The following IAH1 variants were observed in gnomAD, a reference collection of about 807,000 sequenced individuals.
IAH1 encodes the protein isoamyl acetate hydrolyzing esterase 1 (putative), also known as isoamyl acetate-hydrolyzing esterase 1 homolog.
IAH1 carries 24 observed loss-of-function variants against 26.7 expected under a neutral mutation model. The ratio of observed to expected loss-of-function variants is 0.90; its 90% CI spans 0.65 to 1.26. The LOEUF is 1.26. IAH1 is among the 50% of genes most tolerant of loss of function. The pLI, the probability that IAH1 is intolerant of heterozygous loss-of-function variation, is 0.00. For missense variants in IAH1, 300 were observed against 299.9 expected, an observed-to-expected ratio of 1.00 and a Z score of 0.00; for synonymous variants, 140 against 118.5, an observed-to-expected ratio of 1.18 and a Z score of -1.18.
intron 3 of IAH1, among the ~76,000 whole-genome samples, chr2:9,480,060 C>T (rs1442778254): frequency 2.6e-5 from 4 of 151,886 alleles, no homozygotes; most frequent in Non-Finnish European, 5.9e-5. Context: ...CCACCTGCCT[C>T]GGCCTCCCAA....
intron 4 of IAH1, among the ~76,000 whole-genome samples, chr2:9,481,739 G>A (rs1365852215): frequency 6.6e-6 from 1 of 152,112 alleles, no homozygotes; most frequent in Non-Finnish European, 1.5e-5. Context: ...GAAGGCCACT[G>A]AGATCTGTGT....
At chr2:9,490,175 A>T, downstream of IAH1, 1 of 1,589,870 alleles carries the variant, frequency 6.3e-7, no homozygotes, top group Non-Finnish European at 8.6e-7. Flanking sequence ...CTGAGAACTA[A>T]ATTAGCACTC....
downstream of IAH1, chr2:9,494,664 G>C: frequency 1.2e-6 from 2 of 1,614,078 alleles, no homozygotes; most frequent in Non-Finnish European, 1.7e-6. Flanking sequence ...CTACTGTACA[G>C]GGCTTTCCTT....
At chr2:9,493,881 C>T, downstream of IAH1, 3 of 1,440,964 alleles carry the variant, frequency 2.1e-6, no homozygotes, top group Admixed American at 1.8e-5. Flanking sequence ...TATTCAGAAG[C>T]AATGTAGCTT....
chr2:9,474,612 C>A lies in IAH1; in HGVS notation c.46C>A (p.Pro16Thr). ...GGGCTGCGGGAGTGCCCTGCTCTGG[C>A]CTCGCTTGTTGCTCTTCGGGGACTC... ...AAGCGSALLW[P>T]RLLLFGDSIT... The change falls in exon 1 of 6, where the codon CCT becomes ACT. Residue 16 changes from proline (P) to threonine (T), a missense_variant. Pro to Thr is a conservative substitution (Grantham distance 38). Coordinates refer to ENST00000497473, the MANE Select transcript of IAH1 (RefSeq NM_001039613.3). This position sits in a 1 kb window ranked among gnomAD's most constrained non-coding sequence, Gnocchi z 4.3. The A allele has an allele frequency of 6.4e-7, 1 of 1,554,598 alleles. No homozygotes were observed.
intron 4 of IAH1, among the ~76,000 whole-genome samples, chr2:9,482,045 T>TTTC (rs1358594311): frequency 6.6e-6 from 1 of 151,204 alleles, no homozygotes; most frequent in Non-Finnish European, 1.5e-5. Context: ...TTTTTTTTTT[T>TTTC]TTTGGAGATA....
the IAH1 span, chr2:9,505,422 T>G: frequency 6.6e-7 from 1 of 1,519,244 alleles, no homozygotes; most frequent in Non-Finnish European, 9.1e-7. Context: ...TGTATTCCCA[T>G]GCAATGTTTG....
At chr2:9,506,713 CG>C in the IAH1 span, 1 of 152,190 alleles carries the variant, frequency 6.6e-6, no homozygotes, top group African/African-American at 2.4e-5. Flanking sequence ...TTATTCTAAT[CG>C]GGGCCTCAGG....
chr2:9,474,732 T>C lies in IAH1; in HGVS notation c.81+85T>C. 9.3e-7 allele frequency: 1 copy of C among 1,070,358 alleles called. No individual in the cohort carries two copies. Among genetic ancestry groups the C allele is most frequent in the Non-Finnish European group, 1.3e-6 (1 of 770,686 alleles). The allele number at this position is 1,070,358 out of a possible 1,614,324, so 66.3% of individuals were successfully genotyped here. ...CAGGCCGAGGCTCCTCGCCGTCCTC[T>C]TCGGCGCCCGAGACGGCTGGGCCGG... On this transcript the variant is annotated intron_variant, in intron 1 of 5. Coordinates refer to ENST00000497473, the MANE Select transcript of IAH1 (RefSeq NM_001039613.3). The surrounding 1 kb of genome is among the most constrained non-coding windows in gnomAD (Gnocchi z 4.3).
chr2:9,509,346 A>C, the IAH1 span, among the ~76,000 whole-genome samples: 1 of 152,194 alleles, frequency 6.6e-6, no homozygotes, highest in Non-Finnish European at 1.5e-5. Context: ...TAGTCACGGC[A>C]CTCTTAAAGT....
the IAH1 span, among the ~76,000 whole-genome samples, chr2:9,503,855 A>C: frequency 6.6e-6 from 1 of 151,098 alleles, no homozygotes; most frequent in South Asian, 2.1e-4. Context: ...AAAAAAAAGA[A>C]ATAAAAGATT....
chr2:9,489,950 C>G (rs551774656), downstream of IAH1: 10 of 455,822 alleles, frequency 2.2e-5, no homozygotes, highest in Non-Finnish European at 3.5e-5. Context: ...ATTTTAAAAA[C>G]TAAAACCTGA....
At chr2:9,499,278 C>T (rs964657903), downstream of IAH1, among the ~76,000 whole-genome samples, 1 of 151,896 alleles carries the variant, frequency 6.6e-6, no homozygotes, top group African/African-American at 2.4e-5. Context: ...GTTTTACTTA[C>T]GTTTATTTAA....
At chr2:9,490,950 C>T (rs912942641), downstream of IAH1, 6 of 653,686 alleles carry the variant, frequency 9.2e-6, no homozygotes, top group Non-Finnish European at 1.0e-5. Flanking sequence ...TCACTGTTGT[C>T]AGAAGGGTAA....
the IAH1 span, chr2:9,509,914 C>T: frequency 6.3e-6 from 10 of 1,575,178 alleles, no homozygotes; most frequent in Non-Finnish European, 8.6e-6. Flanking sequence ...TTTCTGAGCT[C>T]TCATTATGAT....
At chr2:9,503,490 T>C in the IAH1 span, among the ~76,000 whole-genome samples, 1 of 152,142 alleles carries the variant, frequency 6.6e-6, no homozygotes, top group Admixed American at 6.5e-5. Flanking sequence ...GATGTAGCCA[T>C]AAAAAAACCT....
At position 9,481,348 on chromosome 2, in the gene IAH1, C is replaced by T; in HGVS notation, c.346C>T (p.Gln116Ter). Residue 116 changes from glutamine to a stop codon, truncating the protein, a stop_gained, in exon 4 of 6, where the codon CAG becomes TAG. Coordinates refer to ENST00000497473, the MANE Select transcript of IAH1 (RefSeq NM_001039613.3). LOFTEE classifies it high-confidence loss of function. ...CGCTGCGAACCTAAAGAGCATGGTG[C>T]AGTACCTGAAGTCCGTGGACATCCC... ...EYAANLKSMV[Q>*]YLKSVDIPEN... 2 of 1,614,198 alleles carry T rather than the reference C, an allele frequency of 1.2e-6. No homozygotes were observed. Among genetic ancestry groups the T allele is most frequent in the Non-Finnish European group, 1.7e-6 (2 of 1,180,020 alleles).
Position 9,489,149 on chromosome 2 carries a change from CTG to C in IAH1, c.*822_*823del, listed in dbSNP as rs1661852291. Reference sequence around the variant, plus strand: ...GCTGGCTCATCACATTCAAAACAACCTGTTTTTTTTGTTGTTGTTGTTGTTAA... The same window carrying C: ...GCTGGCTCATCACATTCAAAACAACCTTTTTTTTGTTGTTGTTGTTGTTAA... On this transcript the variant is annotated 3_prime_UTR_variant, in exon 6 of 6. Transcript: ENST00000497473. 2.6e-5 allele frequency: 3 copies of C among 115,558 alleles called. No individual in the cohort carries two copies. Among genetic ancestry groups the C allele is most frequent in the African/African-American group, 9.4e-5 (3 of 31,918 alleles). 7.2% of individuals were successfully genotyped at this position (115,558 alleles called of 1,614,324 possible). A position where few individuals can be genotyped will look rare whatever the true frequency, so the allele number is the denominator to read the frequency against.
downstream of IAH1, among the ~76,000 whole-genome samples, chr2:9,493,189 G>A (rs566314161): frequency 3.3e-5 from 5 of 152,230 alleles, no homozygotes; most frequent in African/African-American, 1.2e-4. Context: ...CTCATATACT[G>A]GCTGACAGGA....
Sources: allele counts gnomAD v4.1 joint callset (sites outside exome capture counted in the v4.1 genomes callset), GRCh38; gene constraint gnomAD v4.1.1; non-coding constraint Gnocchi (gnomAD v3.1); transcripts MANE v1.5; gene names NCBI Gene and HGNC (gene_info 2026-07-23, HGNC 2026-07-21).